The following PCDH11Y variants were observed in gnomAD, a reference collection of about 807,000 sequenced individuals.
PCDH11Y encodes the protein protocadherin 11 Y-linked.
For missense variants in PCDH11Y, 12 were observed against 224.8 expected, an observed-to-expected ratio of 0.05 and a Z score of 6.05; for synonymous variants, 9 against 83.6, an observed-to-expected ratio of 0.11 and a Z score of 4.87.
intron 2 of PCDH11Y, among the ~76,000 whole-genome samples, chrY:5,483,124 A>C (rs1602932193): frequency 3.2e-5 from 1 of 31,563 alleles, no homozygotes; most frequent in Admixed American, 3.0e-4. Flanking sequence ...AATTCAACAG[A>C]TATGTATTGA....
At chrY:5,717,070 C>A in intron 4 of PCDH11Y, among the ~76,000 whole-genome samples, 3 of 33,092 alleles carry the variant, frequency 9.1e-5, no homozygotes, top group Non-Finnish European at 1.5e-4. Context: ...TCACCATATA[C>A]AAAAATTAAA....
intron 2 of PCDH11Y, among the ~76,000 whole-genome samples, chrY:5,185,294 G>T: frequency 3.1e-5 from 1 of 32,684 alleles, no homozygotes; most frequent in Non-Finnish European, 7.5e-5. Context: ...GGCCAGGCTG[G>T]TCTTGAACTC....
intron 2 of PCDH11Y, among the ~76,000 whole-genome samples, chrY:5,255,453 A>G: frequency 6.0e-5 from 2 of 33,521 alleles, no homozygotes; most frequent in Non-Finnish European, 1.5e-4. Flanking sequence ...CTGTTGATGG[A>G]CACTTAGATT....
intron 2 of PCDH11Y, among the ~76,000 whole-genome samples, chrY:5,371,474 C>T: frequency 8.9e-5 from 3 of 33,602 alleles, no homozygotes; most frequent in Admixed American, 8.3e-4. Flanking sequence ...CAGAATTACC[C>T]TGATATTTCT....
At chrY:5,244,382 G>C in intron 2 of PCDH11Y, among the ~76,000 whole-genome samples, 2 of 33,380 alleles carry the variant, frequency 6.0e-5, no homozygotes, top group African/African-American at 1.2e-4. Context: ...GGTTGCCATG[G>C]AAAAGAACCA....
At chrY:5,087,870 G>A in intron 1 of PCDH11Y, among the ~76,000 whole-genome samples, 1 of 31,322 alleles carries the variant, frequency 3.2e-5, no homozygotes, top group Non-Finnish European at 7.7e-5. Flanking sequence ...CTCTGTGGGC[G>A]ATTGTCAGCT....
intron 2 of PCDH11Y, among the ~76,000 whole-genome samples, chrY:5,497,486 G>A: frequency 3.0e-5 from 1 of 33,030 alleles, no homozygotes. Context: ...CTTTTTAATG[G>A]GGTTGTTTGT....
intron 1 of PCDH11Y, among the ~76,000 whole-genome samples, chrY:5,068,954 C>CA (rs2124630317): frequency 3.1e-5 from 1 of 32,569 alleles, no homozygotes; most frequent in African/African-American, 1.2e-4. Flanking sequence ...TTCCATTTTA[C>CA]ATCCTTCTTC....
At chrY:5,506,799 G>A in intron 3 of PCDH11Y, among the ~76,000 whole-genome samples, 3 of 31,981 alleles carry the variant, frequency 9.4e-5, no homozygotes, top group Non-Finnish European at 2.3e-4. Context: ...CCATGGCCCC[G>A]GGTTCTGGAA....
intron 2 of PCDH11Y, among the ~76,000 whole-genome samples, chrY:5,475,447 T>C: frequency 3.0e-5 from 1 of 33,068 alleles, no homozygotes; most frequent in Non-Finnish European, 7.6e-5. Flanking sequence ...TGTTTTTCCC[T>C]TCATTCTGTT....
intron 3 of PCDH11Y, among the ~76,000 whole-genome samples, chrY:5,532,829 C>CTT (rs1309581388): frequency 4.8e-4 from 8 of 16,749 alleles, no homozygotes; most frequent in African/African-American, 2.6e-3. Context: ...TCCCTCCACC[C>CTT]TTTTTTTTTT....
At chrY:5,237,848 A>G in intron 2 of PCDH11Y, among the ~76,000 whole-genome samples, 1 of 32,656 alleles carries the variant, frequency 3.1e-5, no homozygotes, top group Non-Finnish European at 7.5e-5. Flanking sequence ...TAAAATACCT[A>G]GGAATCCAAC....
intron 1 of PCDH11Y, among the ~76,000 whole-genome samples, chrY:5,024,773 A>C: frequency 3.1e-5 from 1 of 32,604 alleles, no homozygotes; most frequent in Non-Finnish European, 7.6e-5. Flanking sequence ...AGGTAAATTA[A>C]AACCATTTGC....
At chrY:5,625,415 G>C in intron 4 of PCDH11Y, among the ~76,000 whole-genome samples, 1 of 2,086 alleles carries the variant, frequency 4.8e-4, no homozygotes, top group East Asian at 0.01. Context: ...TTTTTTTTTT[G>C]CCTAATTGCT....
At chrY:5,304,056 G>A in intron 2 of PCDH11Y, among the ~76,000 whole-genome samples, 1 of 32,151 alleles carries the variant, frequency 3.1e-5, no homozygotes, top group South Asian at 7.2e-4. Context: ...AGCTCTGACT[G>A]AGACCCCCTT....
chrY:5,081,140 GT>G (rs35141330), intron 1 of PCDH11Y, among the ~76,000 whole-genome samples: 4 of 25,839 alleles, frequency 1.5e-4, no homozygotes, highest in Non-Finnish European at 1.9e-4. Flanking sequence ...CCCATTGCTT[GT>G]TTTTTTTTTT....
intron 2 of PCDH11Y, among the ~76,000 whole-genome samples, chrY:5,137,540 G>T: frequency 3.2e-5 from 1 of 31,659 alleles, no homozygotes; most frequent in Non-Finnish European, 7.7e-5. Context: ...TAACACATAA[G>T]GACTCACATA....
At chrY:5,133,911 G>A (rs2052836288) in intron 2 of PCDH11Y, among the ~76,000 whole-genome samples, 1 of 32,542 alleles carries the variant, frequency 3.1e-5, no homozygotes, top group Non-Finnish European at 7.6e-5. Context: ...TTGGTATTTT[G>A]ATAGAGATTG....
chrY:5,035,917 A>G (rs2052598541), intron 3 of PCDH11Y, among the ~76,000 whole-genome samples: 1 of 28,463 alleles, frequency 3.5e-5, no homozygotes, highest in African/African-American at 1.4e-4. Context: ...TTTGTTGCCA[A>G]GCTGGGAACA....
Sources: allele counts gnomAD v4.1 joint callset (sites outside exome capture counted in the v4.1 genomes callset), GRCh38; gene constraint gnomAD v4.1.1; transcripts MANE v1.5; gene names NCBI Gene and HGNC (gene_info 2026-07-23, HGNC 2026-07-21).